The following VTCN1 variants were observed in gnomAD, a reference collection of about 807,000 sequenced individuals.
The protein encoded by VTCN1 is V-set domain containing T cell activation inhibitor 1.
In VTCN1, 26 loss-of-function variants were observed where a neutral mutation model predicts 26.5. The ratio of observed to expected loss-of-function variants is 0.98; its 90% CI spans 0.72 to 1.36. The LOEUF (loss-of-function observed/expected upper bound fraction) is 1.36. Among genes scored for constraint, VTCN1 ranks in the 40% most tolerant of loss-of-function variants. VTCN1 has a pLI of 0.00. For missense variants in VTCN1, 298 were observed against 337.7 expected, an observed-to-expected ratio of 0.88 and a Z score of 0.92; for synonymous variants, 116 against 130.7, an observed-to-expected ratio of 0.89 and a Z score of 0.77.
At chr1:117,156,959 C>G (rs769890342) in intron 2 of VTCN1, 38 bp from the exon 3 acceptor site, 9 of 1,613,168 alleles carry the variant, frequency 5.6e-6, no homozygotes, top group Non-Finnish European at 6.8e-6. Flanking sequence ...CTAAGGGAAG[C>G]CTTGGAACTT....
chr1:117,155,422 C>G lies in VTCN1; in HGVS notation c.445+1152G>C, dbSNP rs1341697155. Among the ~76,000 whole-genome samples the G allele has an allele frequency of 6.6e-6, 1 of 152,122 alleles. No homozygotes were observed. The highest frequency in any genetic ancestry group is 1.5e-5 in the Non-Finnish European group (1 of 68,014). On this transcript the variant is annotated intron_variant, in intron 3 of 5. Coordinates refer to ENST00000369458, the MANE Select transcript of VTCN1 (RefSeq NM_024626.4). This position sits in a 1 kb window ranked among gnomAD's most constrained non-coding sequence, Gnocchi z 4.8. The stretch of plus-strand genomic sequence containing the variant: ...TCTAAATAAATTATTTGGAATTCAT[C>G]TGTAAGGGGAATTTGTTTCATATCC...
chr1:117,174,141 C>T (rs1297178279), intron 1 of VTCN1, among the ~76,000 whole-genome samples: 1 of 152,150 alleles, frequency 6.6e-6, no homozygotes, highest in Non-Finnish European at 1.5e-5. Flanking sequence ...TCTTTGCTTT[C>T]CCCTCAATGG....
chr1:117,201,074 C>T (rs1473610657), intron 1 of VTCN1, among the ~76,000 whole-genome samples: 1 of 152,064 alleles, frequency 6.6e-6, no homozygotes, highest in African/African-American at 2.4e-5. Flanking sequence ...AACCACCCTG[C>T]CCAGACAATT....
intron 4 of VTCN1, among the ~76,000 whole-genome samples, chr1:117,149,293 G>GGT (rs1553206855): frequency 2.6e-4 from 37 of 141,542 alleles, no homozygotes; most frequent in African/African-American, 7.4e-4. Flanking sequence ...TTTGGGGTGG[G>GGT]TTTTTTTTTT....
intron 1 of VTCN1, among the ~76,000 whole-genome samples, chr1:117,177,171 G>C (rs562353973): frequency 1.2e-4 from 18 of 152,276 alleles, no homozygotes; most frequent in African/African-American, 4.3e-4. Flanking sequence ...TGGGGAAAAA[G>C]TATTTCCTAT....
intron 1 of VTCN1, among the ~76,000 whole-genome samples, chr1:117,180,037 G>C (rs943792470): frequency 7.9e-5 from 12 of 152,100 alleles, no homozygotes; most frequent in Non-Finnish European, 1.2e-4. Context: ...ATTCGAATCA[G>C]TGGCTAGGCT....
At chr1:117,171,336 T>C (rs1652908349) in intron 1 of VTCN1, among the ~76,000 whole-genome samples, 1 of 152,232 alleles carries the variant, frequency 6.6e-6, no homozygotes, top group Admixed American at 6.5e-5. Flanking sequence ...ATCTCTATAG[T>C]AGAATGATTT....
chr1:117,151,168 G>A (rs986915787), intron 4 of VTCN1, among the ~76,000 whole-genome samples: 9 of 151,604 alleles, frequency 5.9e-5, no homozygotes, highest in Admixed American at 5.9e-4. Context: ...GTGTAAGTGT[G>A]AGCCACCATG....
At chr1:117,163,139 A>C (rs950629729) in intron 2 of VTCN1, among the ~76,000 whole-genome samples, 4 of 152,194 alleles carry the variant, frequency 2.6e-5, no homozygotes, top group African/African-American at 9.7e-5. Flanking sequence ...TGGGGAGAAC[A>C]GTTGCTTCCG....
rs371469463 is a variant in VTCN1, at chr1:117,176,350, A to G, written c.33-6179T>C. On this transcript the variant is annotated intron_variant, in intron 1 of 5. Transcript: ENST00000369458. ...AGACTTGAGGTCTTAACTACATGCT[A>G]TACTTCTAGAAAAAGTGGCAGGAGG... Among the ~76,000 whole-genome samples, 20 of 152,322 alleles carry G rather than the reference A, an allele frequency of 1.3e-4. No individual in the cohort carries two copies. In the South Asian group the frequency reaches 4.1e-3, roughly 32 times the overall value.
chr1:117,144,449 A>C lies in VTCN1; in HGVS notation c.*822T>G, dbSNP rs549145866. The C allele has an allele frequency of 2.0e-5, 3 of 152,174 alleles. No homozygotes were observed. Among genetic ancestry groups the C allele is most frequent in the African/African-American group, 4.8e-5 (2 of 41,442 alleles). The allele number at this position is 152,174 out of a possible 1,614,324, so 9.4% of individuals were successfully genotyped here. A position where few individuals can be genotyped will look rare whatever the true frequency, so the allele number is the denominator to read the frequency against. ...TTGAAAACTGAGGTCTTAGCTGTCC[A>C]CGCAGGATGGAAAGGAGAAGCCTCA... On this transcript the variant is annotated 3_prime_UTR_variant, in exon 6 of 6. Coordinates refer to ENST00000369458, the MANE Select transcript of VTCN1 (RefSeq NM_024626.4).
chr1:117,180,131 G>T (rs1016041628), intron 1 of VTCN1, among the ~76,000 whole-genome samples: 1 of 152,162 alleles, frequency 6.6e-6, no homozygotes, highest in African/African-American at 2.4e-5. Flanking sequence ...CCCCCAGGAA[G>T]TGTCTTTCAT....
chr1:117,175,717 T>A lies in VTCN1; in HGVS notation c.33-5546A>T, dbSNP rs1167755728. Among the ~76,000 whole-genome samples, 1 of 151,480 alleles carries A rather than the reference T, an allele frequency of 6.6e-6. No homozygotes were observed. The highest frequency in any genetic ancestry group is 1.5e-5 in the Non-Finnish European group (1 of 67,964). On this transcript the variant is annotated intron_variant, in intron 1 of 5. Coordinates refer to ENST00000369458, the MANE Select transcript of VTCN1 (RefSeq NM_024626.4). This position sits in a 1 kb window ranked among gnomAD's most constrained non-coding sequence, Gnocchi z 4.2. Reference sequence around the variant, plus strand: ...CTGCAGCGGACAGGCTGTATTACTGTATCACACACCAAAAAATAAACCAGA... The same window carrying A: ...CTGCAGCGGACAGGCTGTATTACTGAATCACACACCAAAAAATAAACCAGA...
In VTCN1 at chr1:117,146,735, G is replaced by A. The variant is rs534541240; in HGVS notation, c.*45+878C>T. Among the ~76,000 whole-genome samples the A allele has an allele frequency of 8.5e-5, 13 of 152,138 alleles. No individual in the cohort carries two copies. Among genetic ancestry groups the A allele is most frequent in the Non-Finnish European group, 1.8e-4 (12 of 68,020 alleles). ...GGTATGCTTCTGTGACTTTGACTTC[G>A]ATATAGTTATGCCCAGAGAGTCACT... On this transcript the variant is annotated intron_variant, in intron 5 of 5. Coordinates refer to ENST00000369458, the MANE Select transcript of VTCN1 (RefSeq NM_024626.4). The surrounding 1 kb of genome is among the most constrained non-coding windows in gnomAD (Gnocchi z 4.2).
At chr1:117,200,493 C>A (rs1460448452) in intron 1 of VTCN1, among the ~76,000 whole-genome samples, 1 of 152,138 alleles carries the variant, frequency 6.6e-6, no homozygotes, top group African/African-American at 2.4e-5. Context: ...GTTCCTCTGA[C>A]CTCCTCATTG....
chr1:117,175,690 T>C lies in VTCN1; in HGVS notation c.33-5519A>G, dbSNP rs1476949870. On this transcript the variant is annotated intron_variant, in intron 1 of 5. Transcript: ENST00000369458. This position sits in a 1 kb window ranked among gnomAD's most constrained non-coding sequence, Gnocchi z 4.2. Reference sequence around the variant, plus strand: ...AGCTCATTGATGCTATAGAAACATATACTGCAGCGGACAGGCTGTATTACT... The same window carrying C: ...AGCTCATTGATGCTATAGAAACATACACTGCAGCGGACAGGCTGTATTACT... Among the ~76,000 whole-genome samples the C allele has an allele frequency of 1.3e-5, 2 of 151,884 alleles. No individual in the cohort carries two copies. The highest frequency in any genetic ancestry group is 2.9e-5 in the Non-Finnish European group (2 of 68,010).
At chr1:117,206,600 A>G (rs1273726945) in intron 1 of VTCN1, among the ~76,000 whole-genome samples, 3 of 152,184 alleles carry the variant, frequency 2.0e-5, no homozygotes, top group Admixed American at 2.0e-4. Context: ...AACAAGGTGC[A>G]TGACAGAGTC....
At chr1:117,199,482 C>T (rs953673314) in intron 1 of VTCN1, among the ~76,000 whole-genome samples, 21 of 152,082 alleles carry the variant, frequency 1.4e-4, no homozygotes, top group Admixed American at 6.6e-4. Context: ...CCCACCACCA[C>T]GTCCAGCAAA....
At chr1:117,202,962 G>A (rs996788494) in intron 1 of VTCN1, among the ~76,000 whole-genome samples, 5 of 152,288 alleles carry the variant, frequency 3.3e-5, no homozygotes, top group African/African-American at 1.2e-4. Flanking sequence ...CCTGATACAC[G>A]GGTTGCATGC....
Sources: gnomAD v4.1 joint callset for allele counts (sites outside exome capture counted in the v4.1 genomes callset) on GRCh38, gnomAD v4.1.1 for gene constraint, Gnocchi (gnomAD v3.1) non-coding constraint, MANE v1.5 for transcripts, NCBI Gene and HGNC (gene_info 2026-07-23, HGNC 2026-07-21) for gene names.